Variants in NHS observed in about 807,000 individuals in gnomAD.
The protein encoded by NHS is NHS actin remodeling regulator, also known as actin remodeling regulator NHS.
In NHS, 5 loss-of-function variants were observed where a neutral mutation model predicts 72.5. The observed-to-expected ratio is 0.07, with a 90% CI of 0.04 to 0.14. The LOEUF (loss-of-function observed/expected upper bound fraction) is 0.14, where lower values mean the gene tolerates loss of function less well. NHS is among the 10% of genes least tolerant of loss of function. The pLI, the probability that NHS is intolerant of heterozygous loss-of-function variation, is 1.00. For missense variants in NHS, 1,072 were observed against 1,355.7 expected (o/e 0.79, Z 3.29); for synonymous variants, 464 against 547.7 (o/e 0.85, Z 2.13).
At chrX:17,711,096 T>C (rs145527922) in intron 3 of NHS, among the ~76,000 whole-genome samples, 1,484 of 112,560 alleles carry the variant, frequency 0.013, 18 homozygotes, top group African/African-American at 0.046. Flanking sequence ...CAAAGATTCT[T>C]TCTTCCCTGC....
chrX:17,619,512 C>T (rs987731204), intron 1 of NHS, among the ~76,000 whole-genome samples: 5 of 112,426 alleles, frequency 4.4e-5, no homozygotes, highest in African/African-American at 1.6e-4. Flanking sequence ...GAACACACTT[C>T]TCTGTAATTT....
At chrX:17,428,144 G>A (rs777730462) in intron 1 of NHS, among the ~76,000 whole-genome samples, 1 of 112,434 alleles carries the variant, frequency 8.9e-6, no homozygotes, top group Admixed American at 9.4e-5. Context: ...CAGGGTACGT[G>A]ACCTAACTGC....
In NHS at chrX:17,639,461, G is replaced by A. The variant is rs751287903; in HGVS notation, c.566-48281G>A. Among the ~76,000 whole-genome samples the A allele has an allele frequency of 6.3e-5, 7 of 111,188 alleles. No homozygotes were observed. The South Asian group carries it at 2.7e-3, about 44-fold the overall frequency. Reference sequence around the variant, plus strand: ...AGTGGTTGCATCTGGTTGGCTTCTGGTGAGGGCTTCATGCTGTGTCATAAC... The same window carrying A: ...AGTGGTTGCATCTGGTTGGCTTCTGATGAGGGCTTCATGCTGTGTCATAAC... On this transcript the variant is annotated intron_variant, in intron 1 of 8. Transcript: ENST00000676302.
chrX:17,563,124 A>G (rs4825348), intron 1 of NHS, among the ~76,000 whole-genome samples: 3,758 of 112,237 alleles, frequency 0.033, 122 homozygotes, highest in African/African-American at 0.083. Context: ...TTTCATGTCT[A>G]GGGCCACAGG....
At chrX:17,563,229 A>G (rs1456326385) in intron 1 of NHS, among the ~76,000 whole-genome samples, 1 of 112,701 alleles carries the variant, frequency 8.9e-6, no homozygotes, top group African/African-American at 3.2e-5. Context: ...CCATGCCTAA[A>G]TAGGGAAATG....
chrX:17,492,499 C>G (rs1301195947), intron 1 of NHS, among the ~76,000 whole-genome samples: 1 of 112,359 alleles, frequency 8.9e-6, no homozygotes, highest in Non-Finnish European at 1.9e-5. Flanking sequence ...GTCTGAGTGA[C>G]TCTTTGTTAT....
chrX:17,519,931 C>A (rs2065139683), intron 1 of NHS, among the ~76,000 whole-genome samples: 1 of 110,776 alleles, frequency 9.0e-6, no homozygotes, highest in South Asian at 3.9e-4. Flanking sequence ...CAATTCCCAA[C>A]ATAAGGCATT....
At chrX:17,598,227 T>C (rs184833400) in intron 1 of NHS, among the ~76,000 whole-genome samples, 2 of 111,734 alleles carry the variant, frequency 1.8e-5, no homozygotes, top group Non-Finnish European at 3.8e-5. Context: ...CAGTCCCAGA[T>C]GTGGCTCGTT....
intron 1 of NHS, among the ~76,000 whole-genome samples, chrX:17,594,015 A>G (rs1318676068): frequency 8.0e-5 from 9 of 111,891 alleles, no homozygotes; most frequent in Non-Finnish European, 1.7e-4. Flanking sequence ...AGCACCTACT[A>G]TATACCAGAT....
At chrX:17,401,968 A>G (rs2064504688) in intron 1 of NHS, among the ~76,000 whole-genome samples, 1 of 112,072 alleles carries the variant, frequency 8.9e-6, no homozygotes, top group Admixed American at 9.5e-5. Flanking sequence ...AGAATACATA[A>G]AGAAAGTATA....
At chrX:17,515,236 A>T (rs973958040) in intron 1 of NHS, among the ~76,000 whole-genome samples, 1 of 111,973 alleles carries the variant, frequency 8.9e-6, no homozygotes, top group African/African-American at 3.2e-5. Context: ...TTCATGTGTT[A>T]CTGACCTGTG....
intron 1 of NHS, among the ~76,000 whole-genome samples, chrX:17,452,350 T>A (rs1246591629): frequency 9.0e-6 from 1 of 111,605 alleles, no homozygotes; most frequent in Non-Finnish European, 1.9e-5. Context: ...GAAATTTTGC[T>A]ATGTAGATAG....
At chrX:17,570,880 AG>A (rs2065474353) in intron 1 of NHS, among the ~76,000 whole-genome samples, 1 of 112,039 alleles carries the variant, frequency 8.9e-6, no homozygotes, top group Non-Finnish European at 1.9e-5. Context: ...TTACCATGAA[AG>A]GCTGATGAAT....
At chrX:17,508,692 A>G (rs1041325675) in intron 1 of NHS, among the ~76,000 whole-genome samples, 3 of 109,159 alleles carry the variant, frequency 2.7e-5, no homozygotes, top group Admixed American at 9.7e-5. Context: ...CTAGACTTGA[A>G]CTCCTGACCT....
intron 1 of NHS, among the ~76,000 whole-genome samples, chrX:17,570,230 G>A (rs911881940): frequency 3.6e-5 from 4 of 111,919 alleles, no homozygotes; most frequent in African/African-American, 9.7e-5. Flanking sequence ...GCTTGATGGG[G>A]ATAAAATTGA....
At chrX:17,503,100 A>G (rs951296696) in intron 1 of NHS, among the ~76,000 whole-genome samples, 2 of 111,963 alleles carry the variant, frequency 1.8e-5, no homozygotes, top group Non-Finnish European at 3.8e-5. Context: ...AAAAATATCA[A>G]TGCATCCCTT....
intron 1 of NHS, among the ~76,000 whole-genome samples, chrX:17,477,274 C>G (rs766434784): frequency 9.9e-5 from 11 of 111,340 alleles, no homozygotes; most frequent in African/African-American, 3.6e-4. Context: ...CTGGAAGGAA[C>G]GAGTCATGTG....
At chrX:17,662,771 G>A (rs1384844376) in intron 1 of NHS, among the ~76,000 whole-genome samples, 1 of 112,076 alleles carries the variant, frequency 8.9e-6, no homozygotes, top group Non-Finnish European at 1.9e-5. Flanking sequence ...TGATTCATCA[G>A]ATGTCTTTTG....
intron 1 of NHS, among the ~76,000 whole-genome samples, chrX:17,405,801 G>A (rs2064526558): frequency 8.9e-6 from 1 of 111,935 alleles, no homozygotes; most frequent in Non-Finnish European, 1.9e-5. Flanking sequence ...CCAGCTGCCT[G>A]TCCCTCCCCT....
Sources: allele counts gnomAD v4.1 joint callset (sites outside exome capture counted in the v4.1 genomes callset), GRCh38; gene constraint gnomAD v4.1.1; transcripts MANE v1.5; gene names NCBI Gene and HGNC (gene_info 2026-07-23, HGNC 2026-07-21).